Variants in MARCHF1 observed in about 807,000 individuals in gnomAD.
The protein encoded by MARCHF1 is E3 ubiquitin-protein ligase MARCHF1.
Under a neutral mutation model 54.2 loss-of-function variants are expected in MARCHF1, and 40 were observed. That is an observed-to-expected ratio of 0.74 (90% CI 0.57 to 0.96). The LOEUF (loss-of-function observed/expected upper bound fraction) is 0.96, where lower values mean the gene tolerates loss of function less well. Ranked by LOEUF, MARCHF1 falls within the 40% of genes least tolerant of loss-of-function variation. The pLI is 0.00. For synonymous variants in MARCHF1, 236 were observed against 236.3 expected, an observed-to-expected ratio of 1.00 and a Z score of 0.01; for missense variants, 586 against 656.5, an observed-to-expected ratio of 0.89 and a Z score of 1.17.
At chr4:164,047,191 T>C (rs185700327) in intron 2 of MARCHF1, among the ~76,000 whole-genome samples, 1 of 152,258 alleles carries the variant, frequency 6.6e-6, no homozygotes, top group African/African-American at 2.4e-5. Context: ...GCTCAGGCAA[T>C]GCTTCTGAAA....
chr4:163,811,865 T>C (rs928580489), intron 4 of MARCHF1, among the ~76,000 whole-genome samples: 4 of 152,184 alleles, frequency 2.6e-5, no homozygotes, highest in African/African-American at 9.7e-5. Context: ...GGCCATGGGA[T>C]GTCTTGATAG....
intron 3 of MARCHF1, among the ~76,000 whole-genome samples, chr4:163,875,422 G>A (rs1357713867): frequency 6.6e-6 from 1 of 152,022 alleles, no homozygotes; most frequent in Non-Finnish European, 1.5e-5. Context: ...ATTTCTTTCA[G>A]AAATAACCTT....
At chr4:163,900,000 T>C (rs1296931461) in intron 3 of MARCHF1, among the ~76,000 whole-genome samples, 1 of 152,136 alleles carries the variant, frequency 6.6e-6, no homozygotes, top group Admixed American at 6.5e-5. Flanking sequence ...ATGTCCTTTG[T>C]CTTTGCTAGA....
chr4:163,596,628 AAT>A, intron 7 of MARCHF1, among the ~76,000 whole-genome samples: 1 of 151,900 alleles, frequency 6.6e-6, no homozygotes, highest in Admixed American at 6.6e-5. Context: ...TGAAAACAAT[AAT>A]GCTTATAATT....
rs527346460 is a variant in MARCHF1, at chr4:163,795,237, C to CT, written c.111+58783dup. Reference sequence around the variant, plus strand: ...CAGACATCTTAATGGTATTTTCTTTCTTTTTTTTTGAGATGAAGTCTCACT... The same window carrying CT: ...CAGACATCTTAATGGTATTTTCTTTCTTTTTTTTTTGAGATGAAGTCTCACT... On this transcript the variant is annotated intron_variant, in intron 4 of 9. Transcript: ENST00000514618. Among the ~76,000 whole-genome samples the CT allele has an allele frequency of 2.4e-4, 37 of 151,424 alleles. No individual in the cohort carries two copies. The East Asian group carries it at 2.7e-3, about 11-fold the overall frequency.
intron 4 of MARCHF1, among the ~76,000 whole-genome samples, chr4:163,765,642 G>A (rs1039321875): frequency 1.3e-5 from 2 of 151,760 alleles, no homozygotes; most frequent in Non-Finnish European, 2.9e-5. Flanking sequence ...TACGTATGTA[G>A]ACCTTATTTT....
intron 1 of MARCHF1, chr4:164,188,221 A>G (rs975678750): frequency 4.2e-6 from 1 of 239,888 alleles, no homozygotes; most frequent in African/African-American, 2.2e-5. Flanking sequence ...ATATATACAC[A>G]AATACTTTCT....
At chr4:164,338,890 T>A (rs1264708053) in intron 1 of MARCHF1, among the ~76,000 whole-genome samples, 1 of 152,122 alleles carries the variant, frequency 6.6e-6, no homozygotes, top group Non-Finnish European at 1.5e-5. Context: ...GAGAATCGCT[T>A]GAACCTGGGA....
intron 5 of MARCHF1, among the ~76,000 whole-genome samples, chr4:163,665,579 T>C (rs1176919883): frequency 1.3e-5 from 2 of 152,182 alleles, no homozygotes; most frequent in Non-Finnish European, 2.9e-5. Context: ...AAGATATTGA[T>C]GGAGCGTGTA....
intron 5 of MARCHF1, among the ~76,000 whole-genome samples, chr4:163,695,749 C>A (rs1744607991): frequency 6.6e-6 from 1 of 152,116 alleles, no homozygotes; most frequent in South Asian, 2.1e-4. Flanking sequence ...TTCCTTTTGA[C>A]AGTTGGCTTT....
intron 1 of MARCHF1, among the ~76,000 whole-genome samples, chr4:164,272,892 G>A (rs1399186838): frequency 6.6e-6 from 1 of 151,856 alleles, no homozygotes; most frequent in Non-Finnish European, 1.5e-5. Flanking sequence ...TAACCTAGTT[G>A]AGTAATGGTA....
chr4:164,027,658 C>T (rs756538603), intron 2 of MARCHF1, among the ~76,000 whole-genome samples: 6 of 151,918 alleles, frequency 3.9e-5, no homozygotes, highest in Admixed American at 6.6e-5. Flanking sequence ...TAGAAGAAAA[C>T]CTAGGAAGTA....
At chr4:163,624,325 C>A (rs968933111) in intron 5 of MARCHF1, among the ~76,000 whole-genome samples, 7 of 152,100 alleles carry the variant, frequency 4.6e-5, no homozygotes, top group African/African-American at 1.7e-4. Context: ...AGGATAAATG[C>A]GCCAACACCC....
intron 3 of MARCHF1, among the ~76,000 whole-genome samples, chr4:163,985,592 T>C (rs925012142): frequency 6.6e-6 from 1 of 152,240 alleles, no homozygotes; most frequent in African/African-American, 2.4e-5. Flanking sequence ...TTCTGTATTT[T>C]AACTATGATT....
chr4:164,349,364 C>G (rs993955558), intron 1 of MARCHF1, among the ~76,000 whole-genome samples: 8 of 152,166 alleles, frequency 5.3e-5, no homozygotes, highest in African/African-American at 1.7e-4. Flanking sequence ...TCATCTCCAA[C>G]AGTATTGTTA....
At chr4:164,027,229 A>G (rs1159949516) in intron 2 of MARCHF1, among the ~76,000 whole-genome samples, 1 of 151,890 alleles carries the variant, frequency 6.6e-6, no homozygotes, top group African/African-American at 2.4e-5. Flanking sequence ...GCATTATACA[A>G]AAGTATTTAG....
chr4:164,074,729 A>C (rs1754940988), intron 2 of MARCHF1, among the ~76,000 whole-genome samples: 1 of 152,006 alleles, frequency 6.6e-6, no homozygotes, highest in Non-Finnish European at 1.5e-5. Flanking sequence ...GTATAGTACA[A>C]ATGGGACCAT....
chr4:164,091,796 T>A (rs1011208243), intron 2 of MARCHF1, among the ~76,000 whole-genome samples: 2 of 151,816 alleles, frequency 1.3e-5, no homozygotes, highest in African/African-American at 4.8e-5. Flanking sequence ...TCAGAGAAAT[T>A]TGACTAAAGG....
chr4:164,089,224 G>A (rs890009346), intron 2 of MARCHF1, among the ~76,000 whole-genome samples: 3 of 151,958 alleles, frequency 2.0e-5, no homozygotes, highest in Non-Finnish European at 4.4e-5. Context: ...ATGAAAATAC[G>A]ACATTGAATA....
Sources: gnomAD v4.1 joint callset for allele counts (sites outside exome capture counted in the v4.1 genomes callset) on GRCh38, gnomAD v4.1.1 for gene constraint, MANE v1.5 for transcripts, NCBI Gene and HGNC (gene_info 2026-07-23, HGNC 2026-07-21) for gene names.